The following TMEM209 variants were observed in gnomAD, a reference collection of about 807,000 sequenced individuals.
TMEM209 encodes the protein testicular tissue protein Li 202.
A neutral mutation model predicts 76.2 loss-of-function variants in TMEM209; 65 were observed. That is an observed-to-expected ratio of 0.85 (90% CI 0.70 to 1.05). TMEM209 has a LOEUF of 1.05. Among genes scored for constraint, TMEM209 ranks in the 50% least tolerant of loss-of-function variants. The probability of loss-of-function intolerance (pLI) is 0.00; values close to 1 mark genes in which losing one functional copy is unlikely to be tolerated. For missense variants in TMEM209, 623 were observed against 685.5 expected (o/e 0.91, Z 1.02); for synonymous variants, 239 against 237.6 (o/e 1.01, Z -0.06).
At chr7:130,184,528 T>C (rs1459404611) in intron 7 of TMEM209, among the ~76,000 whole-genome samples, 1 of 149,674 alleles carries the variant, frequency 6.7e-6, no homozygotes, top group East Asian at 2.0e-4. Context: ...AGTCTCTCTC[T>C]GTTGTCCAGG....
intron 13 of TMEM209, among the ~76,000 whole-genome samples, chr7:130,170,747 T>A (rs945962918): frequency 6.6e-6 from 1 of 151,908 alleles, no homozygotes; most frequent in Non-Finnish European, 1.5e-5. Flanking sequence ...AGGAATGCTA[T>A]GAGAGGAGGT....
chr7:130,175,988 C>T (rs1039167751), intron 10 of TMEM209, among the ~76,000 whole-genome samples: 3 of 151,784 alleles, frequency 2.0e-5, no homozygotes, highest in Non-Finnish European at 4.4e-5. Context: ...GTAATGTCTG[C>T]AATGTACTTT....
Position 130,175,714 on chromosome 7 carries a change from T to G in TMEM209, c.1247-105A>C, listed in dbSNP as rs1797213804. On this transcript the variant is annotated intron_variant, in intron 10 of 14. Transcript: ENST00000397622. ...AGGGAAGCAAATCATTTAAAAAACT[T>G]GATCAAAACACCCAAACCTAAAGAA... 25 of 834,968 alleles carry G rather than the reference T, an allele frequency of 3.0e-5. No individual in the cohort carries two copies. In the East Asian group the frequency reaches 6.8e-4, roughly 23 times the overall value. 51.7% of individuals were successfully genotyped at this position (834,968 alleles called of 1,614,324 possible).
At chr7:130,174,891 G>A (rs1797184488) in intron 11 of TMEM209, among the ~76,000 whole-genome samples, 1 of 152,034 alleles carries the variant, frequency 6.6e-6, no homozygotes, top group African/African-American at 2.4e-5. Context: ...ATCTAGGTAG[G>A]AGGAGGCTGA....
chr7:130,168,006 C>T (rs1199147960), intron 14 of TMEM209, among the ~76,000 whole-genome samples: 1 of 152,036 alleles, frequency 6.6e-6, no homozygotes, highest in Non-Finnish European at 1.5e-5. Context: ...GAGAATATAG[C>T]GCTTTAAAAA....
intron 4 of TMEM209, 136 bp downstream of exon 4, chr7:130,202,396 T>A: frequency 8.0e-7 from 1 of 1,249,506 alleles, no homozygotes; most frequent in Non-Finnish European, 1.1e-6. Context: ...TCATTGGTCA[T>A]AAGACAATTT....
intron 5 of TMEM209, among the ~76,000 whole-genome samples, chr7:130,193,823 A>T (rs190475101): frequency 1.3e-5 from 2 of 152,150 alleles, no homozygotes; most frequent in African/African-American, 4.8e-5. Context: ...AGAACGTACA[A>T]CACCAAGAGT....
chr7:130,166,710 A>C (rs1007808945), intron 14 of TMEM209, among the ~76,000 whole-genome samples: 1 of 152,224 alleles, frequency 6.6e-6, no homozygotes, highest in Non-Finnish European at 1.5e-5. Context: ...AATTTAGAAT[A>C]AATAGATTTA....
Position 130,166,386 on chromosome 7 carries a change from G to T in TMEM209, c.*65C>A. 7.5e-7 allele frequency: 1 copy of T among 1,328,526 alleles called. No homozygotes were observed. Among genetic ancestry groups the T allele is most frequent in the Non-Finnish European group, 1.0e-6 (1 of 964,120 alleles). The allele number at this position is 1,328,526 out of a possible 1,614,324, so 82.3% of individuals were successfully genotyped here. The stretch of plus-strand genomic sequence containing the variant: ...ATTTCAGAAGAGTCAGTGGCTCAGA[G>T]ATGTTTAGTTTCGACTTCTGGTTCA... On this transcript the variant is annotated 3_prime_UTR_variant, in exon 15 of 15. Transcript: ENST00000397622.
intron 9 of TMEM209, among the ~76,000 whole-genome samples, chr7:130,179,422 A>C (rs1261337957): frequency 1.3e-5 from 2 of 152,202 alleles, no homozygotes; most frequent in African/African-American, 4.8e-5. Context: ...CATGTATAAA[A>C]AGACACACAA....
In TMEM209 at chr7:130,187,548, C is replaced by G. The variant is rs527572742; in HGVS notation, c.776-2181G>C. ...CCTAGTCCCTGGTCCTGGTAGAGGA[C>G]CAGGAATCTCAAAGGGCCACATTCA... On this transcript the variant is annotated intron_variant, in intron 6 of 14. Coordinates refer to ENST00000397622, the MANE Select transcript of TMEM209 (RefSeq NM_032842.4). Among the ~76,000 whole-genome samples, 4 of 150,530 alleles carry G rather than the reference C, an allele frequency of 2.7e-5. No homozygotes were observed. The South Asian group carries it at 6.3e-4, about 24-fold the overall frequency.
chr7:130,197,959 C>T (rs549921910), intron 5 of TMEM209, among the ~76,000 whole-genome samples: 1 of 152,314 alleles, frequency 6.6e-6, no homozygotes, highest in East Asian at 1.9e-4. Context: ...CCACACAATT[C>T]ACTCATGTAA....
At chr7:130,200,174 T>C (rs1465525510) in intron 5 of TMEM209, among the ~76,000 whole-genome samples, 1 of 152,082 alleles carries the variant, frequency 6.6e-6, no homozygotes, top group East Asian at 1.9e-4. Context: ...TATTAAACTC[T>C]ATAATTAAAC....
intron 5 of TMEM209, among the ~76,000 whole-genome samples, chr7:130,201,477 C>G (rs1370237142): frequency 6.6e-6 from 1 of 151,492 alleles, no homozygotes; most frequent in Non-Finnish European, 1.5e-5. Context: ...TTAGAAGACA[C>G]TCCAACATGA....
At position 130,203,861 on chromosome 7, in the gene TMEM209, G is replaced by T. The variant is rs925398919; in HGVS notation, c.141-15C>A. The T allele has an allele frequency of 1.9e-6, 3 of 1,597,148 alleles. No homozygotes were observed. The highest frequency in any genetic ancestry group is 1.3e-5 in the African/African-American group (1 of 74,408). On this transcript the variant is annotated splice_polypyrimidine_tract_variant and intron_variant, in intron 2 of 14. Transcript: ENST00000397622. ...ATTTTCCAGTCCTGAAAAAAAATTA[G>T]AAAGGCTTTCCAGTGAACCTAAAAA...
At chr7:130,174,848 T>C (rs757272572) in intron 11 of TMEM209, among the ~76,000 whole-genome samples, 22 of 152,040 alleles carry the variant, frequency 1.4e-4, no homozygotes, top group Non-Finnish European at 2.2e-4. Flanking sequence ...TATAGGAGAA[T>C]AGTTAAATGA....
At chr7:130,189,667 T>C (rs535946141) in intron 6 of TMEM209, among the ~76,000 whole-genome samples, 68 of 152,196 alleles carry the variant, frequency 4.5e-4, no homozygotes, top group African/African-American at 1.6e-3. Flanking sequence ...AAGTTACAAA[T>C]ACGAAAAGTG....
rs1415280663 is a variant in TMEM209 at position 130,190,284 on chromosome 7, G to A, written c.775+2338C>T. On this transcript the variant is annotated intron_variant, in intron 6 of 14. Transcript: ENST00000397622. Reference sequence around the variant, plus strand: ...TGTAATTCCCAGCACTTTGGAGGCCGAGGCGGGCAGATCACCTGAGGTCAG... The same window carrying A: ...TGTAATTCCCAGCACTTTGGAGGCCAAGGCGGGCAGATCACCTGAGGTCAG... Among the ~76,000 whole-genome samples the A allele has an allele frequency of 2.6e-5, 4 of 152,118 alleles. No individual in the cohort carries two copies. The East Asian group carries it at 5.8e-4, about 22-fold the overall frequency.
chr7:130,176,804 A>T (rs1797250613), intron 10 of TMEM209, among the ~76,000 whole-genome samples: 1 of 152,182 alleles, frequency 6.6e-6, no homozygotes, highest in South Asian at 2.1e-4. Flanking sequence ...AAAATTATGC[A>T]TTTTTATGAG....
Sources: allele counts gnomAD v4.1 joint callset (sites outside exome capture counted in the v4.1 genomes callset), GRCh38; gene constraint gnomAD v4.1.1; transcripts MANE v1.5; gene names NCBI Gene and HGNC (gene_info 2026-07-23, HGNC 2026-07-21).